PAQR5: variants seen among roughly 807,000 people sequenced by gnomAD.
PAQR5 encodes the protein progestin and adipoQ receptor family member 5.
In PAQR5, 20 loss-of-function variants were observed where a neutral mutation model predicts 34.5. The observed-to-expected ratio is 0.58, with a 90% CI of 0.41 to 0.84. The LOEUF (loss-of-function observed/expected upper bound fraction) is 0.84. Ranked by LOEUF, PAQR5 falls within the 40% of genes least tolerant of loss-of-function variation. PAQR5 has a pLI of 0.00. For synonymous variants in PAQR5, 131 were observed against 155.6 expected (o/e 0.84, Z 1.18); for missense variants, 378 against 412.7 (o/e 0.92, Z 0.73).
chr15:69,333,470 C>G (rs2054436876), intron 1 of PAQR5, among the ~76,000 whole-genome samples: 1 of 152,148 alleles, frequency 6.6e-6, no homozygotes, highest in Non-Finnish European at 1.5e-5. Flanking sequence ...ACTCTGCACA[C>G]TTGGATCAGA....
intron 1 of PAQR5, among the ~76,000 whole-genome samples, chr15:69,325,280 T>G (rs1321008507): frequency 2.0e-5 from 3 of 152,132 alleles, no homozygotes; most frequent in African/African-American, 7.2e-5. Flanking sequence ...GCATAACCAC[T>G]ATTTTTTAAG....
At chr15:69,336,847 A>G (rs1489263760) in intron 1 of PAQR5, among the ~76,000 whole-genome samples, 2 of 152,260 alleles carry the variant, frequency 1.3e-5, no homozygotes, top group Non-Finnish European at 2.9e-5. Context: ...TTTAGTGTAC[A>G]TTATTAATAA....
rs910279093 is a variant in PAQR5, at chr15:69,385,467, G to A, written c.385+585G>A. ...TCCAGAGGCTTAGCACAATCAGAGA[G>A]ATGCTCAGAGTGTGCGGGAATAGAT... is the stretch of plus-strand genomic sequence containing the variant. On this transcript the variant is annotated intron_variant, in intron 5 of 8. Transcript: ENST00000395407. The surrounding 1 kb of genome is among the most constrained non-coding windows in gnomAD (Gnocchi z 4.7). Among the ~76,000 whole-genome samples, 4 of 152,164 alleles carry A rather than the reference G, an allele frequency of 2.6e-5. No individual in the cohort carries two copies. Among genetic ancestry groups the A allele is most frequent in the Admixed American group, 6.5e-5 (1 of 15,282 alleles).
intron 1 of PAQR5, among the ~76,000 whole-genome samples, chr15:69,308,936 T>C (rs148408736): frequency 1.3e-3 from 198 of 152,218 alleles, no homozygotes; most frequent in African/African-American, 4.6e-3. Flanking sequence ...TAGGTTCTGA[T>C]GACCGAAAGG....
At chr15:69,353,455 C>A (rs1297853397) in intron 2 of PAQR5, among the ~76,000 whole-genome samples, 1 of 152,206 alleles carries the variant, frequency 6.6e-6, no homozygotes, top group Non-Finnish European at 1.5e-5. Context: ...AGAAGTGTGA[C>A]AATGGGCCCA....
intron 2 of PAQR5, among the ~76,000 whole-genome samples, chr15:69,343,636 C>G (rs560408138): frequency 2.3e-4 from 35 of 152,290 alleles, no homozygotes; most frequent in African/African-American, 8.4e-4. Flanking sequence ...TCAACACGCA[C>G]TTTTTTTGTG....
At chr15:69,393,978 C>G (rs1160605911) in intron 6 of PAQR5, among the ~76,000 whole-genome samples, 2 of 152,192 alleles carry the variant, frequency 1.3e-5, no homozygotes, top group African/African-American at 4.8e-5. Context: ...GTGGCCGAGG[C>G]CCTGGCCTGC....
At chr15:69,399,268 C>T (rs762299764) in intron 7 of PAQR5, among the ~76,000 whole-genome samples, 1 of 152,210 alleles carries the variant, frequency 6.6e-6, no homozygotes, top group Non-Finnish European at 1.5e-5. Context: ...GACCCTTAAA[C>T]ATGGGTTGGA....
chr15:69,312,694 C>CA (rs2053859367), intron 1 of PAQR5, among the ~76,000 whole-genome samples: 1 of 151,116 alleles, frequency 6.6e-6, no homozygotes, highest in Non-Finnish European at 1.5e-5. Flanking sequence ...TTTCCAGGGG[C>CA]ATTTGACTTG....
chr15:69,322,362 C>T (rs1044033108), intron 1 of PAQR5, among the ~76,000 whole-genome samples: 3 of 149,126 alleles, frequency 2.0e-5, no homozygotes, highest in African/African-American at 7.5e-5. Context: ...GTAGCGGGCA[C>T]CTGTAATCCC....
At chr15:69,328,517 C>G (rs2054304288) in intron 1 of PAQR5, among the ~76,000 whole-genome samples, 1 of 152,160 alleles carries the variant, frequency 6.6e-6, no homozygotes, top group Non-Finnish European at 1.5e-5. Context: ...AGGAGGCTGA[C>G]TGTGGGCTGG....
chr15:69,397,599 G>A (rs2056484005), intron 7 of PAQR5, 35 bp downstream of exon 7: 1 of 1,336,456 alleles, frequency 7.5e-7, no homozygotes, highest in African/African-American at 1.4e-5. Context: ...CTGCCTGTTG[G>A]CAACACCAGG....
At position 69,397,452 on chromosome 15, in the gene PAQR5, T is replaced by G; in HGVS notation, c.513-16T>G. 2 of 1,571,034 alleles carry G rather than the reference T, an allele frequency of 1.3e-6. No individual in the cohort carries two copies. The highest frequency in any genetic ancestry group is 1.8e-6 in the Non-Finnish European group (2 of 1,140,466). ...TTTTCATTCCATTTCCTCCCCACTT[T>G]CCTTCCCTGATTTAGGTTTCTTGAA... On this transcript the variant is annotated splice_polypyrimidine_tract_variant and intron_variant, in intron 6 of 8. Coordinates refer to ENST00000395407, the MANE Select transcript of PAQR5 (RefSeq NM_017705.4).
chr15:69,307,786 A>G (rs1171643889), intron 1 of PAQR5, among the ~76,000 whole-genome samples: 1 of 151,512 alleles, frequency 6.6e-6, no homozygotes, highest in Non-Finnish European at 1.5e-5. Context: ...AAGCTGGGGG[A>G]CCCTGTGGCT....
chr15:69,386,955 C>G (rs920082819), intron 5 of PAQR5, among the ~76,000 whole-genome samples: 1 of 152,110 alleles, frequency 6.6e-6, no homozygotes, highest in Non-Finnish European at 1.5e-5. Flanking sequence ...CCTCGGGGTC[C>G]CCTTCCTCTC....
At chr15:69,386,098 G>A (rs987386404) in intron 5 of PAQR5, among the ~76,000 whole-genome samples, 1 of 147,996 alleles carries the variant, frequency 6.8e-6, no homozygotes, top group Admixed American at 6.7e-5. Context: ...ATCCACATAC[G>A]CACCACACAT....
At chr15:69,300,937 C>T (rs57257058) in intron 1 of PAQR5, among the ~76,000 whole-genome samples, 100 of 5,156 alleles carry the variant, frequency 0.019, 15 homozygotes, top group Non-Finnish European at 0.03. Context: ...CTCTCTCTCT[C>T]TCTTTCTTTC....
intron 2 of PAQR5, among the ~76,000 whole-genome samples, chr15:69,349,728 G>C (rs2054863450): frequency 1.3e-5 from 2 of 151,518 alleles, no homozygotes. Context: ...TGAAACCTCT[G>C]CCTCCTGGGT....
At chr15:69,381,735 C>T (rs985111568) in intron 4 of PAQR5, among the ~76,000 whole-genome samples, 3 of 152,102 alleles carry the variant, frequency 2.0e-5, no homozygotes, top group Non-Finnish European at 2.9e-5. Flanking sequence ...AATGGGACCA[C>T]TGAAAAATTG....
Sources: gnomAD v4.1 joint callset for allele counts (sites outside exome capture counted in the v4.1 genomes callset) on GRCh38, gnomAD v4.1.1 for gene constraint, Gnocchi (gnomAD v3.1) non-coding constraint, MANE v1.5 for transcripts, NCBI Gene and HGNC (gene_info 2026-07-23, HGNC 2026-07-21) for gene names.